CLPTM1: variants seen among roughly 807,000 people sequenced by gnomAD.
The protein encoded by CLPTM1 is putative lipid scramblase CLPTM1.
In CLPTM1, 21 loss-of-function variants were observed where a neutral mutation model predicts 77.3. That is an observed-to-expected ratio of 0.27 (90% CI 0.19 to 0.39). CLPTM1 has a LOEUF of 0.39. CLPTM1 is among the 10% of genes least tolerant of loss of function. The pLI is 1.00. For synonymous variants in CLPTM1, 373 were observed against 381.0 expected (o/e 0.98, Z 0.24); for missense variants, 642 against 921.2 (o/e 0.70, Z 3.92).
chr19:44,986,236 G>A (rs1365175359), intron 6 of CLPTM1, among the ~76,000 whole-genome samples: 1 of 152,034 alleles, frequency 6.6e-6, no homozygotes, highest in Admixed American at 6.6e-5. Flanking sequence ...GGTGGCTCAC[G>A]CCTCTAATCC....
At chr19:44,956,597 G>A (rs1469888087) in intron 1 of CLPTM1, among the ~76,000 whole-genome samples, 1 of 152,150 alleles carries the variant, frequency 6.6e-6, no homozygotes, top group Non-Finnish European at 1.5e-5. Flanking sequence ...GACAGCTTAG[G>A]AAATGTTTGT....
chr19:44,963,034 A>T (rs1361431733), intron 2 of CLPTM1, among the ~76,000 whole-genome samples: 1 of 131,722 alleles, frequency 7.6e-6, no homozygotes, highest in Non-Finnish European at 1.6e-5. Flanking sequence ...CAAAAAAAAT[A>T]AAAAATACAA....
At position 44,970,487 on chromosome 19, in the gene CLPTM1, C is replaced by T. The variant is rs1600021770; in HGVS notation, c.186-2600C>T. Among the ~76,000 whole-genome samples the T allele has an allele frequency of 2.8e-5, 4 of 142,776 alleles. 1 individual carries two copies. The highest frequency in any genetic ancestry group is 1.1e-4 in the African/African-American group (4 of 35,288). The allele number at this position is 142,776 out of a possible 152,430, so 93.7% of individuals were successfully genotyped here. ...TGATCGTGGTTCACTGCAGCCTCGA[C>T]CTCCTGGGCTCAGGTGATTCTCCCA... On this transcript the variant is annotated intron_variant, in intron 2 of 13. Transcript: ENST00000337392.
chr19:44,987,535 C>G (rs771320019), intron 8 of CLPTM1, 112 bp downstream of exon 8: 1 of 1,424,498 alleles, frequency 7.0e-7, no homozygotes, highest in South Asian at 1.3e-5. Context: ...GCTCCTCTGC[C>G]CACAGTTTCA....
At chr19:44,967,629 C>T (rs531227232) in intron 2 of CLPTM1, among the ~76,000 whole-genome samples, 1 of 150,548 alleles carries the variant, frequency 6.6e-6, no homozygotes, top group Non-Finnish European at 1.5e-5. Flanking sequence ...TTTACTCCAG[C>T]CTGGGCAACA....
intron 5 of CLPTM1, among the ~76,000 whole-genome samples, chr19:44,984,897 C>G (rs1171746883): frequency 6.6e-6 from 1 of 152,094 alleles, no homozygotes; most frequent in Non-Finnish European, 1.5e-5. Flanking sequence ...CCATGCTGGC[C>G]AGGCTGGTCT....
In CLPTM1 at chr19:44,987,297, C is replaced by T. The variant is rs753515972; in HGVS notation, c.912C>T (p.Arg304=). The change falls in exon 8 of 14, where the codon CGC becomes CGT. Residue 304 remains arginine (R), a synonymous_variant. Coordinates refer to ENST00000337392, the MANE Select transcript of CLPTM1 (RefSeq NM_001294.4). The part of the protein sequence containing the change: ...INESLASLPL[R]VSFCPLSLWR... ...AGAGCCTGGCCAGCCTGCCGCTCCG[C>T]GTCTCCTTCTGCCCACTCTCGCTTT... is the stretch of plus-strand genomic sequence containing the variant. 6 of 1,614,162 alleles carry T rather than the reference C, an allele frequency of 3.7e-6. No homozygotes were observed. The highest frequency in any genetic ancestry group is 1.6e-4 in the Middle Eastern group (1 of 6,084).
At position 44,990,918 on chromosome 19, in the gene CLPTM1, C is replaced by T. The variant is rs761996346; in HGVS notation, c.1392C>T (p.Ile464=). 19 of 1,613,610 alleles carry T rather than the reference C, an allele frequency of 1.2e-5. 1 individual carries two copies. Among genetic ancestry groups the T allele is most frequent in the South Asian group, 3.3e-5 (3 of 91,066 alleles). ...CCTTCAAGGACAAGTCCACGTATAT[C>T]GAGTCCTCGACCAAAGTGTATGATG... is the stretch of plus-strand genomic sequence containing the variant. ...RLSFKDKSTY[I]ESSTKVYDDM... is the part of the protein sequence containing the mutation. Residue 464 remains isoleucine (I), a synonymous_variant, in exon 11 of 14, where the codon ATC becomes ATT. Transcript: ENST00000337392. The surrounding 1 kb of genome is among the most constrained non-coding windows in gnomAD (Gnocchi z 4.8).
Position 44,955,419 on chromosome 19 carries a change from C to A in CLPTM1, c.24C>A (p.Asp8Glu), listed in dbSNP as rs1390106775. The A allele has an allele frequency of 1.1e-5, 14 of 1,319,902 alleles. No homozygotes were observed. Among genetic ancestry groups the A allele is most frequent in the Non-Finnish European group, 1.4e-5 (14 of 1,032,858 alleles). The allele number at this position is 1,319,902 out of a possible 1,614,324, so 81.8% of individuals were successfully genotyped here. Residue 8 changes from aspartate to glutamate, a missense_variant, in exon 1 of 14, where the codon GAC becomes GAA. Around this residue, in one of 2 missense-constraint regions of CLPTM1, gnomAD observed 121 missense variants for 120.8 expected, o/e 1.00. Coordinates refer to ENST00000337392, the MANE Select transcript of CLPTM1 (RefSeq NM_001294.4). MAAAQEA[D>E]GARSAVVAAG... The stretch of plus-strand genomic sequence containing the variant: ...AGATGGCGGCGGCGCAGGAGGCGGA[C>A]GGGGCCCGCAGCGCCGTGGTGGCGG...
rs204468 is a variant in CLPTM1, at chr19:44,987,378, T to C, written c.993T>C (p.Gly331=). 0.61 allele frequency: 980,443 copies of C among 1,613,712 alleles called. 303,703 individuals are homozygous for C. The highest frequency in any genetic ancestry group is 0.64 in the Non-Finnish European group (754,412 of 1,179,852). Residue 331 remains glycine, a synonymous_variant, in exon 8 of 14, where the codon GGT becomes GGC. Coordinates refer to ENST00000337392, the MANE Select transcript of CLPTM1 (RefSeq NM_001294.4). The part of the protein sequence containing the change: ...QSTKSPWNFL[G]DELYEQSDEE... ...CCAAGTCGCCCTGGAACTTCCTGGG[T>C]GATGAGTTGTACGAGCAGTCAGATG... is the stretch of plus-strand genomic sequence containing the variant.
chr19:44,962,830 C>T (rs1201906209), intron 2 of CLPTM1, among the ~76,000 whole-genome samples: 2 of 151,776 alleles, frequency 1.3e-5, no homozygotes. Context: ...CTTTGGGAGG[C>T]CGAGGCGGGT....
intron 5 of CLPTM1, among the ~76,000 whole-genome samples, chr19:44,982,368 G>GC (rs1970912028): frequency 6.6e-6 from 1 of 150,898 alleles, no homozygotes; most frequent in African/African-American, 2.4e-5. Context: ...AAAGGGTCTA[G>GC]CGTGTGTTTT....
In CLPTM1 at chr19:44,955,667, C is replaced by G. The variant is rs1970451933; in HGVS notation, c.72+200C>G. The G allele has an allele frequency of 6.7e-6, 3 of 448,804 alleles. No homozygotes were observed. In the East Asian group the frequency reaches 1.1e-4, roughly 16 times the overall value. 27.8% of individuals were successfully genotyped at this position (448,804 alleles called of 1,614,324 possible). A position where few individuals can be genotyped will look rare whatever the true frequency, so the allele number is the denominator to read the frequency against. On this transcript the variant is annotated intron_variant, in intron 1 of 13. Transcript: ENST00000337392. ...AACAGGGCCCTGTTGCGGGTCGGTT[C>G]CCCTGCACGCTCGAGCCGGGCGGCC...
intron 9 of CLPTM1, among the ~76,000 whole-genome samples, chr19:44,988,386 G>T (rs759176642): frequency 2.6e-5 from 4 of 152,210 alleles, no homozygotes; most frequent in Non-Finnish European, 4.4e-5. Context: ...TGAGGGAGGG[G>T]CTGGCCCGCT....
chr19:44,990,949 A>C lies in CLPTM1; in HGVS notation c.1419+4A>C. The C allele has an allele frequency of 6.2e-7, 1 of 1,605,860 alleles. No homozygotes were observed. Among genetic ancestry groups the C allele is most frequent in the South Asian group, 1.1e-5 (1 of 90,746 alleles). On this transcript the variant is annotated splice_donor_region_variant and intron_variant, in intron 11 of 13. Transcript: ENST00000337392. The surrounding 1 kb of genome is among the most constrained non-coding windows in gnomAD (Gnocchi z 4.8). The stretch of plus-strand genomic sequence containing the variant: ...CTCGACCAAAGTGTATGATGATGTG[A>C]GTGTCCTGCACAGTGGGCCCCTGGG...
At chr19:44,962,625 T>C (rs1334739379) in intron 2 of CLPTM1, among the ~76,000 whole-genome samples, 1 of 152,118 alleles carries the variant, frequency 6.6e-6, no homozygotes, top group Non-Finnish European at 1.5e-5. Context: ...CACTGAACCT[T>C]ACTTTTTTAC....
chr19:44,985,196 C>T (rs948606529), intron 5 of CLPTM1, 22 bp from the exon 6 acceptor site: 1 of 1,604,312 alleles, frequency 6.2e-7, no homozygotes, highest in African/African-American at 1.3e-5. Flanking sequence ...ACGTCCCCTC[C>T]TTTCCCACCT....
chr19:44,963,769 C>G (rs2122244709), intron 2 of CLPTM1, among the ~76,000 whole-genome samples: 1 of 152,200 alleles, frequency 6.6e-6, no homozygotes, highest in South Asian at 2.1e-4. Context: ...AAGGTATGTG[C>G]CACCATGCCC....
chr19:44,975,446 C>T (rs1163620820), intron 4 of CLPTM1, among the ~76,000 whole-genome samples: 1 of 152,230 alleles, frequency 6.6e-6, no homozygotes, highest in Non-Finnish European at 1.5e-5. Flanking sequence ...GACAGCTGCC[C>T]TCATTCCTTT....
Sources: gnomAD v4.1 joint callset for allele counts (sites outside exome capture counted in the v4.1 genomes callset) on GRCh38, gnomAD v4.1.1 for gene constraint, gnomAD v4.1.1 regional missense constraint, Gnocchi (gnomAD v3.1) non-coding constraint, MANE v1.5 for transcripts, NCBI Gene and HGNC (gene_info 2026-07-23, HGNC 2026-07-21) for gene names.